The following KPNA1 variants were observed in gnomAD, a reference collection of about 807,000 sequenced individuals.
KPNA1 encodes karyopherin subunit alpha 1, also known as importin subunit alpha-5.
A neutral mutation model predicts 70.5 loss-of-function variants in KPNA1; 10 were observed. That is an observed-to-expected ratio of 0.14 (90% confidence interval 0.09 to 0.24). The LOEUF is 0.24. Ranked by LOEUF, KPNA1 falls within the 10% of genes least tolerant of loss-of-function variation. The pLI is 1.00. For missense variants in KPNA1, 397 were observed against 637.9 expected, an observed-to-expected ratio of 0.62 and a Z score of 4.07; for synonymous variants, 192 against 221.9, an observed-to-expected ratio of 0.87 and a Z score of 1.20.
rs141691809 is a variant in KPNA1 at position 122,509,580 on chromosome 3, T to C, written c.-6+5177A>G. 1.4e-3 allele frequency among the ~76,000 whole-genome samples: 210 copies of C among 152,160 alleles called. 1 individual carries two copies. The highest frequency in any genetic ancestry group is 3.4e-3 in the Middle Eastern group (1 of 294). Reference sequence around the variant, plus strand: ...AAACAGAAAGATCCCCAAATCAATGTTGAATAAAAAAGAAAAAGACCTTTG... The same window carrying C: ...AAACAGAAAGATCCCCAAATCAATGCTGAATAAAAAAGAAAAAGACCTTTG... On this transcript the variant is annotated intron_variant, in intron 1 of 13. Transcript: ENST00000344337.
rs1553780496 is a variant in KPNA1 at position 122,429,469 on chromosome 3, A to AAAG, written c.1251-1754_1251-1753insCTT. 2.7e-5 allele frequency among the ~76,000 whole-genome samples: 4 copies of AAAG among 149,926 alleles called. No homozygotes were observed. In the East Asian group the frequency reaches 7.8e-4, roughly 29 times the overall value. ...CTCAAAAAAAAAAAAAAAAAAAAAA[A>AAAG]GAATCTCATTTACATCAGCATCAAA... is the stretch of plus-strand genomic sequence containing the variant. On this transcript the variant is annotated intron_variant, in intron 12 of 13. Coordinates refer to ENST00000344337, the MANE Select transcript of KPNA1 (RefSeq NM_002264.4).
chr3:122,504,883 G>T (rs1402281220), intron 1 of KPNA1, among the ~76,000 whole-genome samples: 1 of 151,964 alleles, frequency 6.6e-6, no homozygotes, highest in Non-Finnish European at 1.5e-5. Context: ...ATGGAGAGGG[G>T]ATTACATTTG....
chr3:122,433,523 G>GT (rs2107718465), intron 12 of KPNA1, 138 bp downstream of exon 12: 1 of 605,676 alleles, frequency 1.7e-6, no homozygotes, highest in Non-Finnish European at 2.7e-6. Flanking sequence ...TTCTTATTTG[G>GT]TAAGATCGTC....
intron 2 of KPNA1, among the ~76,000 whole-genome samples, chr3:122,491,183 T>C (rs1314197075): frequency 6.6e-6 from 1 of 152,232 alleles, no homozygotes; most frequent in African/African-American, 2.4e-5. Flanking sequence ...ATTTAAAACA[T>C]TTACACGATT....
intron 11 of KPNA1, among the ~76,000 whole-genome samples, chr3:122,436,219 T>C (rs2075985269): frequency 1.3e-5 from 2 of 152,142 alleles, no homozygotes; most frequent in African/African-American, 4.8e-5. Flanking sequence ...TAGTAAATTT[T>C]AGTCAGACTG....
chr3:122,514,285 G>T (rs984654083), intron 1 of KPNA1, among the ~76,000 whole-genome samples: 5 of 151,902 alleles, frequency 3.3e-5, no homozygotes, highest in Non-Finnish European at 7.4e-5. Context: ...TTCCCAAGAC[G>T]GTCCCTTTTT....
intron 2 of KPNA1, among the ~76,000 whole-genome samples, chr3:122,478,152 T>C (rs1398550716): frequency 8.3e-6 from 1 of 120,774 alleles, no homozygotes; most frequent in East Asian, 2.3e-4. Context: ...CAGAGCGAGA[T>C]GCTGTCTCAA....
At chr3:122,440,955 A>G (rs1313286825) in intron 10 of KPNA1, among the ~76,000 whole-genome samples, 1 of 152,268 alleles carries the variant, frequency 6.6e-6, no homozygotes, top group East Asian at 1.9e-4. Context: ...CACCTGAGAG[A>G]ACAAATCTAA....
Position 122,497,440 on chromosome 3 carries a change from A to G in KPNA1, c.-5-870T>C, listed in dbSNP as rs187068102. ...ATATGTTTTAATTTCTCTGGGTTAT[A>G]TATCTAAAATTGCTAGGTCATATGG... On this transcript the variant is annotated intron_variant, in intron 1 of 13. Transcript: ENST00000344337. Among the ~76,000 whole-genome samples, 258 of 152,356 alleles carry G rather than the reference A, an allele frequency of 1.7e-3. 1 individual carries two copies. Among genetic ancestry groups the G allele is most frequent in the Admixed American group, 4.2e-3 (64 of 15,302 alleles).
At chr3:122,445,004 A>G (rs4413264) in intron 9 of KPNA1, among the ~76,000 whole-genome samples, 77,443 of 152,100 alleles carry the variant, frequency 0.51, 20,206 homozygotes, top group East Asian at 0.65. Context: ...TTCCTCCAAA[A>G]GATCGCAGCT....
rs920975747 is a variant in KPNA1 at position 122,449,518 on chromosome 3, T to C, written c.917+56A>G. 1.6e-5 allele frequency: 23 copies of C among 1,396,588 alleles called. No homozygotes were observed. The Admixed American group carries it at 2.7e-4, about 16-fold the overall frequency. The allele number at this position is 1,396,588 out of a possible 1,614,324, so 86.5% of individuals were successfully genotyped here. On this transcript the variant is annotated intron_variant, in intron 9 of 13. Coordinates refer to ENST00000344337, the MANE Select transcript of KPNA1 (RefSeq NM_002264.4). ...CCATTAATATTTAAGTATTAGCAGC[T>C]AGAAAACTAGTACCAAGGGAGAGAA...
chr3:122,427,495 A>T, intron 13 of KPNA1, 43 bp downstream of exon 13: 3 of 1,553,976 alleles, frequency 1.9e-6, no homozygotes, highest in Non-Finnish European at 2.6e-6. Context: ...TCTATGACCC[A>T]ATTCATTCTT....
intron 4 of KPNA1, among the ~76,000 whole-genome samples, chr3:122,463,510 C>T (rs1488189570): frequency 6.8e-6 from 1 of 147,948 alleles, no homozygotes; most frequent in African/African-American, 2.5e-5. Context: ...GCAACAGAGC[C>T]GTCTTTAAAA....
Position 122,460,308 on chromosome 3 carries a change from A to C in KPNA1, c.432+916T>G, listed in dbSNP as rs1246042667. The C allele has an allele frequency of 1.3e-5, 13 of 985,138 alleles. No homozygotes were observed. In the East Asian group the frequency reaches 1.5e-3, roughly 112 times the overall value. 61.0% of individuals were successfully genotyped at this position (985,138 alleles called of 1,614,324 possible). ...AGTAGTTTAGAATTTCTAGGATGAG[A>C]GTCAGCTGACTGTTGGTTTCTTTTC... On this transcript the variant is annotated intron_variant, in intron 5 of 13. Coordinates refer to ENST00000344337, the MANE Select transcript of KPNA1 (RefSeq NM_002264.4).
intron 2 of KPNA1, among the ~76,000 whole-genome samples, chr3:122,491,443 A>G (rs2076696709): frequency 6.6e-6 from 1 of 152,244 alleles, no homozygotes; most frequent in Non-Finnish European, 1.5e-5. Context: ...GTTAAATGTT[A>G]TTAATGCAGT....
At chr3:122,452,201 T>C (rs2076209249) in intron 6 of KPNA1, 137 bp from the exon 7 acceptor site, 2 of 736,354 alleles carry the variant, frequency 2.7e-6, no homozygotes, top group African/African-American at 1.8e-5. Context: ...GGAAGATAAA[T>C]AATATCCTAA....
chr3:122,464,113 A>C, intron 3 of KPNA1, 72 bp from the exon 4 acceptor site: 2 of 738,092 alleles, frequency 2.7e-6, no homozygotes, highest in Non-Finnish European at 4.3e-6. Flanking sequence ...GATAACAGAT[A>C]TCATGGCCAA....
chr3:122,426,565 T>C lies in KPNA1; in HGVS notation c.*420A>G, dbSNP rs1258134241. 1.3e-5 allele frequency: 2 copies of C among 158,404 alleles called. No homozygotes were observed. The highest frequency in any genetic ancestry group is 1.9e-4 in the South Asian group (1 of 5,250). The allele number at this position is 158,404 out of a possible 1,614,324, so 9.8% of individuals were successfully genotyped here. A position where few individuals can be genotyped will look rare whatever the true frequency, so the allele number is the denominator to read the frequency against. On this transcript the variant is annotated 3_prime_UTR_variant, in exon 14 of 14. Coordinates refer to ENST00000344337, the MANE Select transcript of KPNA1 (RefSeq NM_002264.4). ...GTCTAAACATCTCCCTTGTCGTAAG[T>C]AGTTGTGTAAAATTCAAGATAAAGA...
chr3:122,509,176 G>A (rs1437554798), intron 1 of KPNA1, among the ~76,000 whole-genome samples: 1 of 151,786 alleles, frequency 6.6e-6, no homozygotes, highest in African/African-American at 2.4e-5. Flanking sequence ...AGCCCAGGAG[G>A]CAGAGGTTGC....
Sources: allele counts gnomAD v4.1 joint callset (sites outside exome capture counted in the v4.1 genomes callset), GRCh38; gene constraint gnomAD v4.1.1; transcripts MANE v1.5; gene names NCBI Gene and HGNC (gene_info 2026-07-23, HGNC 2026-07-21).